Variants in NBEA observed in about 807,000 individuals in gnomAD.
NBEA encodes the protein neurobeachin.
A neutral mutation model predicts 343.4 loss-of-function variants in NBEA; 44 were observed. That is an observed-to-expected ratio of 0.13 (90% CI 0.10 to 0.16). The LOEUF (loss-of-function observed/expected upper bound fraction) is 0.16, where lower values mean the gene tolerates loss of function less well. Ranked by LOEUF, NBEA falls within the 10% of genes least tolerant of loss-of-function variation. The pLI, the probability that NBEA is intolerant of heterozygous loss-of-function variation, is 1.00. For synonymous variants in NBEA, 1,175 were observed against 1,238.7 expected, an observed-to-expected ratio of 0.95 and a Z score of 1.08; for missense variants, 2,555 against 3,631.3, an observed-to-expected ratio of 0.70 and a Z score of 7.62.
chr13:35,609,920 C>T (rs1310174386), intron 48 of NBEA, among the ~76,000 whole-genome samples: 1 of 152,082 alleles, frequency 6.6e-6, no homozygotes, highest in Non-Finnish European at 1.5e-5. Flanking sequence ...GAAGTCATAA[C>T]AAAGATAGGT....
intron 1 of NBEA, among the ~76,000 whole-genome samples, chr13:35,007,340 G>A (rs1035958706): frequency 2.0e-5 from 3 of 151,844 alleles, no homozygotes; most frequent in African/African-American, 7.3e-5. Flanking sequence ...TTTTTTTGAT[G>A]TGTATTCTAG....
chr13:35,366,301 T>A (rs1486767171), intron 38 of NBEA, among the ~76,000 whole-genome samples: 1 of 151,474 alleles, frequency 6.6e-6, no homozygotes, highest in Non-Finnish European at 1.5e-5. Flanking sequence ...TACAGAAACA[T>A]TCTATTATAC....
At chr13:35,384,261 T>C in intron 38 of NBEA, among the ~76,000 whole-genome samples, 1 of 152,222 alleles carries the variant, frequency 6.6e-6, no homozygotes, top group East Asian at 1.9e-4. Flanking sequence ...TATTTACTTA[T>C]CCTAAGCTTT....
chr13:35,077,989 A>G (rs1368315790), intron 10 of NBEA, among the ~76,000 whole-genome samples: 1 of 152,182 alleles, frequency 6.6e-6, no homozygotes, highest in Non-Finnish European at 1.5e-5. Flanking sequence ...CCTTGGATTT[A>G]TAATGTCAGT....
intron 12 of NBEA, among the ~76,000 whole-genome samples, chr13:35,109,988 G>A (rs112659315): frequency 0.09 from 13,166 of 146,434 alleles, 827 homozygotes; most frequent in Non-Finnish European, 0.14. Context: ...ATATCTCACC[G>A]AGTTATTAAT....
At chr13:35,524,168 C>T (rs550263450) in intron 41 of NBEA, among the ~76,000 whole-genome samples, 1 of 152,294 alleles carries the variant, frequency 6.6e-6, no homozygotes, top group African/African-American at 2.4e-5. Context: ...ACATTGCTCC[C>T]TCTAGATTCT....
chr13:35,404,216 C>G (rs61948741), intron 38 of NBEA, among the ~76,000 whole-genome samples: 1 of 152,064 alleles, frequency 6.6e-6, no homozygotes, highest in African/African-American at 2.4e-5. Context: ...GGATCTAGAA[C>G]TAGAAATACC....
At chr13:35,037,726 G>A (rs1046459610) in intron 1 of NBEA, among the ~76,000 whole-genome samples, 1 of 152,148 alleles carries the variant, frequency 6.6e-6, no homozygotes, top group Non-Finnish European at 1.5e-5. Flanking sequence ...CTAAAGCTGG[G>A]GCTGGTATGA....
At chr13:35,409,445 A>T (rs1037538252) in intron 38 of NBEA, among the ~76,000 whole-genome samples, 20 of 152,154 alleles carry the variant, frequency 1.3e-4, no homozygotes, top group Admixed American at 7.2e-4. Context: ...CCCCCATGAT[A>T]CAAGTTTACC....
intron 1 of NBEA, 71 bp downstream of exon 1, chr13:34,943,185 C>T (rs2152476551): frequency 1.9e-6 from 3 of 1,564,380 alleles, no homozygotes; most frequent in African/African-American, 1.4e-5. Context: ...CCTTTCCCTC[C>T]CACCCTTCAC....
At chr13:35,503,223 A>C (rs117359333) in intron 41 of NBEA, among the ~76,000 whole-genome samples, 4,379 of 151,872 alleles carry the variant, frequency 0.029, 114 homozygotes, top group Non-Finnish European at 0.046. Flanking sequence ...CTAAATACTT[A>C]AATATTATAG....
At chr13:35,031,811 T>A (rs1206474824) in intron 1 of NBEA, among the ~76,000 whole-genome samples, 1 of 151,632 alleles carries the variant, frequency 6.6e-6, no homozygotes, top group Non-Finnish European at 1.5e-5. Context: ...CCCTCCACCT[T>A]CAAATAGAAC....
In NBEA at chr13:35,432,249, T is replaced by C. The variant is rs770023965; in HGVS notation, c.6180-20T>C. 18 of 1,576,082 alleles carry C rather than the reference T, an allele frequency of 1.1e-5. No homozygotes were observed. In the Admixed American group the frequency reaches 2.6e-4, roughly 22 times the overall value. On this transcript the variant is annotated intron_variant, in intron 38 of 58. Transcript: ENST00000379939. ...TGCATTGTTATTAATAGGGATTACT[T>C]TTTTTCCCTCTACTCTTAGCCAATT... is the stretch of plus-strand genomic sequence containing the variant.
At chr13:35,454,888 T>A (rs1393202601) in intron 40 of NBEA, among the ~76,000 whole-genome samples, 1 of 151,430 alleles carries the variant, frequency 6.6e-6, no homozygotes, top group Non-Finnish European at 1.5e-5. Flanking sequence ...TAAATAAAAA[T>A]AAAAAATAAA....
At chr13:35,508,746 G>T (rs2077164167) in intron 41 of NBEA, among the ~76,000 whole-genome samples, 1 of 152,136 alleles carries the variant, frequency 6.6e-6, no homozygotes. Context: ...CATTTCAGTG[G>T]TAATACCCAG....
intron 13 of NBEA, among the ~76,000 whole-genome samples, chr13:35,112,772 C>T (rs892626792): frequency 6.6e-6 from 1 of 152,096 alleles, no homozygotes; most frequent in Non-Finnish European, 1.5e-5. Flanking sequence ...TATAAACACA[C>T]CTACAGATAT....
intron 8 of NBEA, among the ~76,000 whole-genome samples, chr13:35,065,731 A>G (rs1196958303): frequency 1.3e-5 from 2 of 152,180 alleles, no homozygotes; most frequent in African/African-American, 4.8e-5. Context: ...AGCTACAAGC[A>G]CTATCCCAGT....
rs2062793652 is a variant in NBEA at position 35,044,947 on chromosome 13, A to G, written c.527A>G (p.Asp176Gly). 2 of 1,607,128 alleles carry G rather than the reference A, an allele frequency of 1.2e-6. No individual in the cohort carries two copies. The highest frequency in any genetic ancestry group is 1.7e-6 in the Non-Finnish European group (2 of 1,176,096). ...KMSAVDDMIA[D>G]LLVDMLGVLA... ...AGAATAACTTTATTTTCCTTTGAAG[A>G]TCTTCTAGTTGATATGTTGGGGGTT... The change falls in exon 3 of 59, where the codon GAT becomes GGT. Residue 176 changes from aspartate to glycine, a missense_variant and splice_region_variant. Coordinates refer to ENST00000379939, the MANE Select transcript of NBEA (RefSeq NM_001385012.1).
At chr13:35,540,179 T>A (rs911436276) in intron 41 of NBEA, among the ~76,000 whole-genome samples, 4 of 151,834 alleles carry the variant, frequency 2.6e-5, no homozygotes, top group African/African-American at 9.7e-5. Flanking sequence ...TCAGACCCTA[T>A]TACCTAATTA....
Sources: gnomAD v4.1 joint callset for allele counts (sites outside exome capture counted in the v4.1 genomes callset) on GRCh38, gnomAD v4.1.1 for gene constraint, MANE v1.5 for transcripts, NCBI Gene and HGNC (gene_info 2026-07-23, HGNC 2026-07-21) for gene names.